The following AMPD3 variants were observed in gnomAD, a reference collection of about 807,000 sequenced individuals.
AMPD3 encodes the protein adenosine monophosphate deaminase 3.
In AMPD3, 57 loss-of-function variants were observed where a neutral mutation model predicts 82.3. The observed-to-expected ratio is 0.69, with a 90% confidence interval of 0.56 to 0.86. The LOEUF is 0.86. AMPD3 is among the 40% of genes least tolerant of loss of function. AMPD3 has a pLI of 0.00. For synonymous variants in AMPD3, 381 were observed against 394.7 expected, an observed-to-expected ratio of 0.97 and a Z score of 0.41; for missense variants, 870 against 1,003.8, an observed-to-expected ratio of 0.87 and a Z score of 1.80.
rs201639499 is a variant in AMPD3 at position 10,482,120 on chromosome 11, C to T, written c.484C>T (p.Arg162Trp). The change falls in exon 4 of 15, where the codon CGG becomes TGG. Residue 162 changes from arginine to tryptophan, a missense_variant. By Grantham distance (101) the Arg-to-Trp change is moderately radical. Coordinates refer to ENST00000396553, the MANE Select transcript of AMPD3 (RefSeq NM_001025389.2). The part of the protein sequence containing the change: ...AKSLAKALMI[R>W]EKYARLAYHR... ...GAGTCTGGCCAAGGCCCTAATGATC[C>T]GGGAGAAGTATGCGCGGCTCGCCTA... 5.7e-5 allele frequency: 92 copies of T among 1,614,174 alleles called. 1 individual carries two copies. The highest frequency in any genetic ancestry group is 5.6e-4 in the South Asian group (51 of 91,076).
chr11:10,495,861 A>G, intron 9 of AMPD3, 128 bp downstream of exon 9: 1 of 1,241,148 alleles, frequency 8.1e-7, no homozygotes. Context: ...TGTCCTTTCC[A>G]GGGATTTTTC....
At chr11:10,505,073 G>A in intron 14 of AMPD3, 1 of 975,866 alleles carries the variant, frequency 1.0e-6, no homozygotes, top group Non-Finnish European at 1.2e-6. Flanking sequence ...CACATAGCAG[G>A]CGCTCAATAT....
At chr11:10,458,223 T>A (rs1038814850) in intron 1 of AMPD3, among the ~76,000 whole-genome samples, 15 of 137,550 alleles carry the variant, frequency 1.1e-4, no homozygotes, top group African/African-American at 3.3e-4. Flanking sequence ...GCCTCCCAAA[T>A]TGCCTGGACA....
chr11:10,496,789 A>G (rs1488327476), intron 9 of AMPD3, 23 bp from the exon 10 acceptor site: 1 of 1,614,126 alleles, frequency 6.2e-7, no homozygotes. Context: ...CCACCTGACA[A>G]GCGAGTCTTT....
At chr11:10,489,201 G>A (rs1429921297) in intron 6 of AMPD3, among the ~76,000 whole-genome samples, 1 of 152,168 alleles carries the variant, frequency 6.6e-6, no homozygotes, top group Admixed American at 6.6e-5. Context: ...CTCCATCACT[G>A]TGTGAACTCC....
chr11:10,450,712 GC>G (rs1364355230), upstream of AMPD3: 1 of 1,093,806 alleles, frequency 9.1e-7, no homozygotes, highest in Non-Finnish European at 1.1e-6. Flanking sequence ...TGGCGGCGCG[GC>G]CCGGGCGCTT....
In AMPD3 at chr11:10,505,793, G is replaced by A. The variant is rs748604876; in HGVS notation, c.2213G>A (p.Arg738Gln). The stretch of plus-strand genomic sequence containing the variant: ...CGAAAGACAAATGTGGCTCAGATCC[G>A]GATGGCATTCCGATATGAGACCTTA... The part of the protein sequence containing the change: ...DIRKTNVAQI[R>Q]MAFRYETLCN... Residue 738 changes from arginine to glutamine, a missense_variant, in exon 15 of 15, where the codon CGG becomes CAG. Arg to Gln is a conservative substitution (Grantham distance 43, BLOSUM62 1). Coordinates refer to ENST00000396553, the MANE Select transcript of AMPD3 (RefSeq NM_001025389.2). 5.6e-6 allele frequency: 9 copies of A among 1,614,032 alleles called. No homozygotes were observed. Among genetic ancestry groups the A allele is most frequent in the African/African-American group, 4.0e-5 (3 of 74,938 alleles).
Position 10,502,732 on chromosome 11 carries a change from G to T in AMPD3, c.1854G>T (p.Leu618Phe), listed in dbSNP as rs756852081. 1 of 1,614,132 alleles carries T rather than the reference G, an allele frequency of 6.2e-7. No homozygotes were observed. The highest frequency in any genetic ancestry group is 8.5e-7 in the Non-Finnish European group (1 of 1,180,020). ...TGGTTCTTTTGCAGAGTCCGGTATT[G>T]CAGTATCTCTACTACCTTGCTCAGA... The part of the protein sequence containing the change: ...HGLLLKKSPV[L>F]QYLYYLAQIP... The change falls in exon 13 of 15, where the codon TTG (leucine) becomes TTT (phenylalanine). Residue 618 changes from leucine to phenylalanine, a missense_variant. Physicochemically the swap from Leu to Phe is conservative, Grantham distance 22 (BLOSUM62 0). Transcript: ENST00000396553.
intron 12 of AMPD3, chr11:10,501,935 T>A (rs1484177301): frequency 6.1e-6 from 6 of 985,122 alleles, no homozygotes; most frequent in African/African-American, 1.7e-5. Flanking sequence ...GCCTCGTCCC[T>A]TACTGTTGTA....
chr11:10,484,768 G>A, intron 4 of AMPD3, 52 bp from the exon 5 acceptor site: 1 of 1,593,258 alleles, frequency 6.3e-7, no homozygotes, highest in Non-Finnish European at 8.6e-7. Flanking sequence ...TTGAGCCCAT[G>A]TGTGCTCACA....
Position 10,455,825 on chromosome 11 carries a change from A to AG in AMPD3, c.-6+383dup, listed in dbSNP as rs1453726769. The AG allele has an allele frequency of 4.6e-5, 40 of 862,210 alleles. 1 individual carries two copies. The South Asian group carries it at 2.1e-3, about 45-fold the overall frequency. The allele number at this position is 862,210 out of a possible 1,614,324, so 53.4% of individuals were successfully genotyped here. ...GGGGTGCCCTTGGGAGGGCTGCTTT[A>AG]GGGGGGCTTTCTGAGAAGAGGCAGG... On this transcript the variant is annotated intron_variant, in intron 1 of 14. Coordinates refer to ENST00000396553, the MANE Select transcript of AMPD3 (RefSeq NM_001025389.2).
intron 10 of AMPD3, chr11:10,497,764 A>T: frequency 1.0e-6 from 1 of 985,166 alleles, no homozygotes; most frequent in Non-Finnish European, 1.2e-6. Context: ...CTGCCTGGAG[A>T]CAGGAGGGGA....
At chr11:10,503,998 G>A in intron 13 of AMPD3, 2 of 985,376 alleles carry the variant, frequency 2.0e-6, no homozygotes, top group Non-Finnish European at 2.4e-6. Flanking sequence ...TCCCAGAAGG[G>A]AAGCAAAACC....
chr11:10,459,371 A>G (rs1848192265), intron 1 of AMPD3, among the ~76,000 whole-genome samples: 1 of 152,070 alleles, frequency 6.6e-6, no homozygotes, highest in Non-Finnish European at 1.5e-5. Flanking sequence ...GGCACCGGAA[A>G]TCTCTCTGGT....
Position 10,506,894 on chromosome 11 carries a change from G to GTT in AMPD3, c.*1011_*1012dup, listed in dbSNP as rs201537926. 0.013 allele frequency: 1,876 copies of GTT among 147,326 alleles called. 18 individuals are homozygous for GTT. The highest frequency in any genetic ancestry group is 0.018 in the Non-Finnish European group (1,215 of 67,462). The allele number at this position is 147,326 out of a possible 1,614,324, so 9.1% of individuals were successfully genotyped here. A position where few individuals can be genotyped will look rare whatever the true frequency, so the allele number is the denominator to read the frequency against. On this transcript the variant is annotated 3_prime_UTR_variant, in exon 15 of 15. Coordinates refer to ENST00000396553, the MANE Select transcript of AMPD3 (RefSeq NM_001025389.2). This position sits in a 1 kb window ranked among gnomAD's most constrained non-coding sequence, Gnocchi z 4.1. The stretch of plus-strand genomic sequence containing the variant: ...ATTCCATTAGACCCCACAAATGTTA[G>GTT]TTGTGTGTGTGTGTGTGTGTGTTTT...
At chr11:10,502,362 G>A (rs1338171383) in intron 12 of AMPD3, 1 of 985,326 alleles carries the variant, frequency 1.0e-6, no homozygotes, top group Non-Finnish European at 1.2e-6. Flanking sequence ...CAGCTAGAGG[G>A]GGGCATCTTC....
chr11:10,456,729 C>G lies in AMPD3; in HGVS notation c.-6+1281C>G, dbSNP rs1848105401. On this transcript the variant is annotated intron_variant, in intron 1 of 14. Transcript: ENST00000396553. The surrounding 1 kb of genome is among the most constrained non-coding windows in gnomAD (Gnocchi z 4.3). ...GCCAGGCGTGAACATGCAGCTGGAGCTGAAGCTCTGCTTGGCATCTGCAGA... is the reference window on the plus strand; with the variant it reads ...GCCAGGCGTGAACATGCAGCTGGAGGTGAAGCTCTGCTTGGCATCTGCAGA... 1 of 513,230 alleles carries G rather than the reference C, an allele frequency of 1.9e-6. No individual in the cohort carries two copies. The highest frequency in any genetic ancestry group is 8.3e-5 in the South Asian group (1 of 12,016). 31.8% of individuals were successfully genotyped at this position (513,230 alleles called of 1,614,324 possible).
chr11:10,482,852 A>G (rs921496689), intron 4 of AMPD3, among the ~76,000 whole-genome samples: 3 of 152,162 alleles, frequency 2.0e-5, no homozygotes, highest in Non-Finnish European at 4.4e-5. Flanking sequence ...AAAGAACACA[A>G]TCACACAGTA....
rs1212440753 is a variant in AMPD3 at position 10,493,546 on chromosome 11, G to A, written c.1134+3G>A. On this transcript the variant is annotated splice_donor_region_variant and intron_variant, in intron 7 of 14. Transcript: ENST00000396553. ...TGGACTCACTGGATGTCCACGCGGT[G>A]AGTGAGCTTCTGCTCCAGTGCCGCC... is the stretch of plus-strand genomic sequence containing the variant. 17 of 1,613,692 alleles carry A rather than the reference G, an allele frequency of 1.1e-5. No individual in the cohort carries two copies. The highest frequency in any genetic ancestry group is 1.3e-5 in the African/African-American group (1 of 74,954).
Sources: gnomAD v4.1 joint callset for allele counts (sites outside exome capture counted in the v4.1 genomes callset) on GRCh38, gnomAD v4.1.1 for gene constraint, Gnocchi (gnomAD v3.1) non-coding constraint, MANE v1.5 for transcripts, NCBI Gene and HGNC (gene_info 2026-07-23, HGNC 2026-07-21) for gene names.